The following LYPD1 variants were observed in gnomAD, a reference collection of about 807,000 sequenced individuals.
The protein encoded by LYPD1 is ly6/PLAUR domain-containing protein 1.
A neutral mutation model predicts 14.2 loss-of-function variants in LYPD1; 14 were observed. The observed-to-expected ratio is 0.99, with a 90% confidence interval of 0.65 to 1.54. LYPD1 has a LOEUF of 1.54. Ranked by LOEUF, LYPD1 falls within the 40% of genes most tolerant of loss-of-function variation. The pLI, the probability that LYPD1 is intolerant of heterozygous loss-of-function variation, is 0.00. For synonymous variants in LYPD1, 85 were observed against 70.6 expected, an observed-to-expected ratio of 1.20 and a Z score of -1.02; for missense variants, 165 against 175.7, an observed-to-expected ratio of 0.94 and a Z score of 0.34.
chr2:132,649,834 T>A (rs6430370), intron 2 of LYPD1, among the ~76,000 whole-genome samples: 89,609 of 151,890 alleles, frequency 0.59, 28,171 homozygotes, highest in African/African-American at 0.82. Flanking sequence ...TGTTGGGGGA[T>A]AAAAACCCCA....
At chr2:132,656,040 A>G (rs1262084164) in intron 2 of LYPD1, among the ~76,000 whole-genome samples, 1 of 152,220 alleles carries the variant, frequency 6.6e-6, no homozygotes, top group Non-Finnish European at 1.5e-5. Flanking sequence ...ACGACGTGCT[A>G]CAAGTATGCT....
rs1174272325 is a variant in LYPD1, at chr2:132,644,856, C to T, written c.*1189G>A. ...ACAGACATCAACTGGTATAAATACA[C>T]TGTCTAAAGCATTTAATGGTCTTTC... On this transcript the variant is annotated 3_prime_UTR_variant, in exon 3 of 3. Coordinates refer to ENST00000397463, the MANE Select transcript of LYPD1 (RefSeq NM_144586.7). 9.9e-6 allele frequency: 5 copies of T among 506,948 alleles called. No individual in the cohort carries two copies. The highest frequency in any genetic ancestry group is 1.7e-5 in the Non-Finnish European group (5 of 289,458). 31.4% of individuals were successfully genotyped at this position (506,948 alleles called of 1,614,324 possible).
intron 2 of LYPD1, among the ~76,000 whole-genome samples, chr2:132,662,449 C>A (rs945510611): frequency 6.6e-6 from 1 of 152,156 alleles, no homozygotes; most frequent in African/African-American, 2.4e-5. Context: ...CTAAGGGAGC[C>A]AATACACTTT....
intron 2 of LYPD1, among the ~76,000 whole-genome samples, chr2:132,664,420 C>T (rs1683152849): frequency 6.6e-6 from 1 of 152,186 alleles, no homozygotes; most frequent in South Asian, 2.1e-4. Flanking sequence ...CCCTGCCCAA[C>T]TTAATGAGCA....
At chr2:132,648,757 G>C (rs1023050183) in intron 2 of LYPD1, among the ~76,000 whole-genome samples, 1 of 152,172 alleles carries the variant, frequency 6.6e-6, no homozygotes, top group African/African-American at 2.4e-5. Context: ...GGAACTGAGG[G>C]CACCACAATG....
chr2:132,665,170 C>G (rs910717926), intron 2 of LYPD1, among the ~76,000 whole-genome samples: 12 of 152,150 alleles, frequency 7.9e-5, no homozygotes, highest in Admixed American at 7.2e-4. Context: ...AAACATACTT[C>G]CCAATGGAAA....
At position 132,645,121 on chromosome 2, in the gene LYPD1, G is replaced by A; in HGVS notation, c.*924C>T. 1 of 1,613,378 alleles carries A rather than the reference G, an allele frequency of 6.2e-7. No homozygotes were observed. Among genetic ancestry groups the A allele is most frequent in the Non-Finnish European group, 8.5e-7 (1 of 1,179,672 alleles). ...CCCAGGGCTGATTGTTGTGACATTG[G>A]CCGTATGCTGGATGCCCAACCAGAT... On this transcript the variant is annotated 3_prime_UTR_variant, in exon 3 of 3. Coordinates refer to ENST00000397463, the MANE Select transcript of LYPD1 (RefSeq NM_144586.7).
chr2:132,664,491 G>A (rs568548606), intron 2 of LYPD1, among the ~76,000 whole-genome samples: 1 of 152,156 alleles, frequency 6.6e-6, no homozygotes, highest in African/African-American at 2.4e-5. Flanking sequence ...GATGCAACAT[G>A]GCATATAAAT....
chr2:132,668,123 T>C (rs1470278294), intron 2 of LYPD1, among the ~76,000 whole-genome samples: 1 of 152,156 alleles, frequency 6.6e-6, no homozygotes, highest in East Asian at 1.9e-4. Flanking sequence ...GCTTTTAGCA[T>C]AGGGAGGTGA....
intron 2 of LYPD1, among the ~76,000 whole-genome samples, chr2:132,661,649 T>C (rs1203097701): frequency 6.6e-6 from 1 of 152,102 alleles, no homozygotes. Flanking sequence ...GGCCACACAG[T>C]ATGAGATTTC....
At chr2:132,648,705 G>A (rs902183005) in intron 2 of LYPD1, among the ~76,000 whole-genome samples, 2 of 152,176 alleles carry the variant, frequency 1.3e-5, no homozygotes, top group Non-Finnish European at 2.9e-5. Flanking sequence ...ATCTTCATAA[G>A]GAAAGTTGGG....
At chr2:132,670,312 G>T (rs1291777660), upstream of LYPD1, 4 of 284,944 alleles carry the variant, frequency 1.4e-5, no homozygotes, top group Admixed American at 2.4e-4. The surrounding 1 kb of genome is among the most constrained non-coding windows in gnomAD (Gnocchi z 4.5). Context: ...TGGCGGGCGG[G>T]GAAGGCTGGG....
At chr2:132,654,196 T>C (rs1323612844) in intron 2 of LYPD1, among the ~76,000 whole-genome samples, 1 of 152,170 alleles carries the variant, frequency 6.6e-6, no homozygotes, top group Non-Finnish European at 1.5e-5. Context: ...TTTTTGCAGC[T>C]TTTCTATAAG....
chr2:132,668,302 A>T, intron 2 of LYPD1, 98 bp downstream of exon 2: 1 of 1,429,782 alleles, frequency 7.0e-7, no homozygotes, highest in Non-Finnish European at 9.3e-7. Flanking sequence ...GTGGGCATTA[A>T]ATCAAAGTCA....
At chr2:132,665,101 A>G (rs1361796445) in intron 2 of LYPD1, among the ~76,000 whole-genome samples, 1 of 152,240 alleles carries the variant, frequency 6.6e-6, no homozygotes, top group Non-Finnish European at 1.5e-5. Flanking sequence ...AGAGTGGTGG[A>G]TAATAATCTC....
chr2:132,658,197 T>A (rs1682715905), intron 2 of LYPD1, among the ~76,000 whole-genome samples: 1 of 151,876 alleles, frequency 6.6e-6, no homozygotes, highest in Non-Finnish European at 1.5e-5. Flanking sequence ...AGAAGAAAAA[T>A]GGAGAAATTT....
intron 2 of LYPD1, among the ~76,000 whole-genome samples, chr2:132,650,484 A>G (rs959445626): frequency 3.3e-5 from 5 of 152,208 alleles, no homozygotes; most frequent in African/African-American, 9.7e-5. Context: ...ACATACTCAC[A>G]TACATACAAA....
In LYPD1 at chr2:132,646,271, T is replaced by C; in HGVS notation, c.200A>G (p.Tyr67Cys). ...CGCTGATGATGCACAGGACTTGCGG[T>C]ACATGATCCCTGTAACACAGACCCA... ...EVMEQSAGIM[Y>C]RKSCASSAAC... Residue 67 changes from tyrosine (Y) to cysteine (C), a missense_variant, in exon 3 of 3, where the codon TAC (tyrosine) becomes TGC (cysteine). Transcript: ENST00000397463. The C allele has an allele frequency of 6.5e-7, 1 of 1,543,694 alleles. No homozygotes were observed. Among genetic ancestry groups the C allele is most frequent in the Non-Finnish European group, 8.8e-7 (1 of 1,141,396 alleles).
intron 2 of LYPD1, among the ~76,000 whole-genome samples, chr2:132,654,990 C>T (rs139796828): frequency 0.065 from 9,941 of 152,038 alleles, 1,048 homozygotes; most frequent in African/African-American, 0.22. Flanking sequence ...CCTCGTGATC[C>T]CAAAGTGCTG....
Sources: allele counts gnomAD v4.1 joint callset (sites outside exome capture counted in the v4.1 genomes callset), GRCh38; gene constraint gnomAD v4.1.1; non-coding constraint Gnocchi (gnomAD v3.1); transcripts MANE v1.5; gene names NCBI Gene and HGNC (gene_info 2026-07-23, HGNC 2026-07-21).